The following DCTN5 variants were observed in gnomAD, a reference collection of about 807,000 sequenced individuals.
DCTN5 encodes the protein dynactin 4.
DCTN5 carries 14 observed loss-of-function variants against 23.5 expected under a neutral mutation model. That is an observed-to-expected ratio of 0.60 (90% CI 0.39 to 0.93). DCTN5 has a LOEUF of 0.93. Ranked by LOEUF, DCTN5 falls within the 40% of genes least tolerant of loss-of-function variation. DCTN5 has a pLI of 0.00. For missense variants in DCTN5, 156 were observed against 225.9 expected, an observed-to-expected ratio of 0.69 and a Z score of 1.98; for synonymous variants, 67 against 79.6, an observed-to-expected ratio of 0.84 and a Z score of 0.84.
chr16:23,665,242 G>T (rs1362995516), intron 4 of DCTN5, among the ~76,000 whole-genome samples: 1 of 152,172 alleles, frequency 6.6e-6, no homozygotes, highest in African/African-American at 2.4e-5. Context: ...TGGATGAGAT[G>T]GGGATGGGAG....
intron 2 of DCTN5, among the ~76,000 whole-genome samples, chr16:23,653,090 C>T (rs574268386): frequency 1.6e-4 from 25 of 152,098 alleles, no homozygotes; most frequent in African/African-American, 5.1e-4. Context: ...TGCAGTGAGC[C>T]GTGATGGCAC....
intron 2 of DCTN5, chr16:23,651,166 G>T: frequency 8.8e-7 from 1 of 1,131,504 alleles, no homozygotes; most frequent in Non-Finnish European, 1.1e-6. Context: ...TGCAAGTATA[G>T]TCCTTCAACC....
At chr16:23,661,317 C>T (rs531153052) in intron 4 of DCTN5, 36 bp downstream of exon 4, 21 of 1,503,728 alleles carry the variant, frequency 1.4e-5, no homozygotes, top group African/African-American at 5.5e-5. Flanking sequence ...AGCAGCTTCA[C>T]TTTCCCTTCA....
chr16:23,643,065 C>T (rs1386209301), intron 2 of DCTN5, 42 bp downstream of exon 2: 13 of 1,546,262 alleles, frequency 8.4e-6, no homozygotes, highest in Middle Eastern at 1.7e-4. Context: ...CCTTAGCTTG[C>T]GTTCTGCTAA....
chr16:23,642,056 C>T (rs571975904), intron 1 of DCTN5, among the ~76,000 whole-genome samples: 1 of 152,028 alleles, frequency 6.6e-6, no homozygotes, highest in African/African-American at 2.4e-5. Context: ...CTCAGCGTCT[C>T]GAGTAGCTGG....
chr16:23,662,649 C>T (rs939030098), intron 4 of DCTN5, among the ~76,000 whole-genome samples: 2 of 152,136 alleles, frequency 1.3e-5, no homozygotes, highest in Non-Finnish European at 2.9e-5. Context: ...GTTCACATTC[C>T]AGGAGCTATG....
At chr16:23,666,311 A>G (rs1967905153) in intron 5 of DCTN5, among the ~76,000 whole-genome samples, 1 of 152,190 alleles carries the variant, frequency 6.6e-6, no homozygotes, top group Non-Finnish European at 1.5e-5. Context: ...AGTTAGCATA[A>G]ACCATGGTCT....
chr16:23,658,649 C>A (rs778683304), intron 3 of DCTN5, 24 bp downstream of exon 3: 1 of 1,591,268 alleles, frequency 6.3e-7, no homozygotes, highest in Non-Finnish European at 8.6e-7. Flanking sequence ...TTACTTTGTT[C>A]AAGTCTTGGG....
intron 4 of DCTN5, 144 bp from the exon 5 acceptor site, chr16:23,665,482 A>T (rs964261064): frequency 7.3e-6 from 5 of 682,080 alleles, no homozygotes; most frequent in Non-Finnish European, 1.2e-5. Context: ...CCTTCTCGTC[A>T]GGTACCACCT....
At chr16:23,661,843 T>G (rs1967819420) in intron 4 of DCTN5, among the ~76,000 whole-genome samples, 4 of 152,118 alleles carry the variant, frequency 2.6e-5, no homozygotes, top group Admixed American at 2.6e-4. Flanking sequence ...TTTGATGATT[T>G]CATTTAATCC....
rs776316761 is a variant in DCTN5 at position 23,665,676 on chromosome 16, A to G, written c.399A>G (p.Val133=). 9 of 1,614,194 alleles carry G rather than the reference A, an allele frequency of 5.6e-6. No homozygotes were observed. Among genetic ancestry groups the G allele is most frequent in the Non-Finnish European group, 7.6e-6 (9 of 1,180,032 alleles). Residue 133 remains valine, a synonymous_variant, in exon 5 of 6, where the codon GTA becomes GTG. Transcript: ENST00000300087. The part of the protein sequence containing the change: ...KDCCKILDNT[V]LPPETVVPPF... ...GCTGCAAAATTCTTGACAACACAGT[A>G]TTACCTCCAGAAACTGTGGTTCCAC...
At chr16:23,665,486 A>G in intron 4 of DCTN5, 140 bp from the exon 5 acceptor site, 1 of 699,176 alleles carries the variant, frequency 1.4e-6, no homozygotes, top group Non-Finnish European at 2.4e-6. Flanking sequence ...CTCGTCAGGT[A>G]CCACCTGAAG....
chr16:23,647,079 A>G (rs1967479379), intron 2 of DCTN5, among the ~76,000 whole-genome samples: 1 of 151,754 alleles, frequency 6.6e-6, no homozygotes, highest in Admixed American at 6.6e-5. Flanking sequence ...CTGTATGACT[A>G]TCTTTATGGA....
Position 23,660,717 on chromosome 16 carries a change from G to C in DCTN5, c.237-453G>C, listed in dbSNP as rs139285471. Among the ~76,000 whole-genome samples, 155 of 152,228 alleles carry C rather than the reference G, an allele frequency of 1.0e-3. 1 individual carries two copies. Among genetic ancestry groups the C allele is most frequent in the Admixed American group, 9.3e-3 (142 of 15,294 alleles). ...GCCCTAATTTCTAGCATTGAGTCTG[G>C]CACATAGTAGTCACTCACTGAAGTC... On this transcript the variant is annotated intron_variant, in intron 3 of 5. Coordinates refer to ENST00000300087, the MANE Select transcript of DCTN5 (RefSeq NM_032486.4).
intron 4 of DCTN5, among the ~76,000 whole-genome samples, 186 bp from the exon 5 acceptor site, chr16:23,665,440 C>T (rs1967888098): frequency 6.6e-6 from 1 of 152,200 alleles, no homozygotes; most frequent in South Asian, 2.1e-4. Context: ...CCGAAATGTA[C>T]ACAAACACAC....
chr16:23,648,895 T>C (rs1373834023), intron 2 of DCTN5, among the ~76,000 whole-genome samples: 1 of 152,194 alleles, frequency 6.6e-6, no homozygotes, highest in Non-Finnish European at 1.5e-5. Context: ...TCCCGCTCCA[T>C]TGCCCATGCT....
In DCTN5 at chr16:23,647,654, C is replaced by T. The variant is rs147339758; in HGVS notation, c.117+4631C>T. 1.3e-4 allele frequency among the ~76,000 whole-genome samples: 19 copies of T among 151,676 alleles called. No individual in the cohort carries two copies. The East Asian group carries it at 3.1e-3, about 25-fold the overall frequency. On this transcript the variant is annotated intron_variant, in intron 2 of 5. Transcript: ENST00000300087. ...TCCCCAGTACCTGGTATTACAGTTG[C>T]GTGCCTCCATGCCTGGCTAATTTTT... is the stretch of plus-strand genomic sequence containing the variant.
chr16:23,649,310 T>C (rs996228916), intron 2 of DCTN5, among the ~76,000 whole-genome samples: 1 of 152,270 alleles, frequency 6.6e-6, no homozygotes, highest in Non-Finnish European at 1.5e-5. Flanking sequence ...TGTATTAATA[T>C]ATTCTGTCTT....
intron 2 of DCTN5, among the ~76,000 whole-genome samples, chr16:23,651,810 A>G (rs75885862): frequency 0.063 from 9,633 of 152,244 alleles, 645 homozygotes; most frequent in African/African-American, 0.16. Context: ...GGAGGCGGGC[A>G]GATTACCTGA....
Sources: allele counts gnomAD v4.1 joint callset (sites outside exome capture counted in the v4.1 genomes callset), GRCh38; gene constraint gnomAD v4.1.1; transcripts MANE v1.5; gene names NCBI Gene and HGNC (gene_info 2026-07-23, HGNC 2026-07-21).